The following CSMD1 variants were observed in gnomAD, a reference collection of about 807,000 sequenced individuals.
CSMD1 encodes the protein CUB and sushi domain-containing protein 1.
In CSMD1, 213 loss-of-function variants were observed where a neutral mutation model predicts 417.5. The observed-to-expected ratio is 0.51, with a 90% confidence interval of 0.46 to 0.57. The LOEUF (loss-of-function observed/expected upper bound fraction) is 0.57. Ranked by LOEUF, CSMD1 falls within the 20% of genes least tolerant of loss-of-function variation. The pLI, the probability that CSMD1 is intolerant of heterozygous loss-of-function variation, is 0.00. For synonymous variants in CSMD1, 2,862 were observed against 1,736.8 expected (o/e 1.65, Z -16.11); for missense variants, 6,923 against 4,529.7 (o/e 1.53, Z -15.17).
At chr8:3,398,606 G>C (rs1811842898) in intron 16 of CSMD1, among the ~76,000 whole-genome samples, 5 of 152,148 alleles carry the variant, frequency 3.3e-5, no homozygotes, top group African/African-American at 9.7e-5. Flanking sequence ...ATGTAGTCTA[G>C]TCAAGAAGAA....
chr8:3,291,850 ATTTCTTGCC>A (rs1563233120), intron 25 of CSMD1, among the ~76,000 whole-genome samples: 27 of 151,672 alleles, frequency 1.8e-4, no homozygotes, highest in Admixed American at 1.5e-3. Context: ...GATCTTAGTT[ATTTCTTGCC>A]TTCTGCTAGC....
intron 5 of CSMD1, among the ~76,000 whole-genome samples, chr8:3,782,565 C>G (rs1014498344): frequency 6.6e-6 from 1 of 152,116 alleles, no homozygotes; most frequent in Non-Finnish European, 1.5e-5. Context: ...TTGATGGGCG[C>G]AGCAAACCAA....
intron 53 of CSMD1, 66 bp from the exon 54 acceptor site, chr8:2,998,250 T>G: frequency 6.5e-7 from 1 of 1,527,476 alleles, no homozygotes; most frequent in Non-Finnish European, 9.0e-7. Context: ...CTTGGGATTA[T>G]TAATAAGAAA....
chr8:4,696,627 T>A (rs1807150900), intron 1 of CSMD1, among the ~76,000 whole-genome samples: 1 of 152,166 alleles, frequency 6.6e-6, no homozygotes, highest in African/African-American at 2.4e-5. Flanking sequence ...AACAACGTAT[T>A]TCATACTTTT....
chr8:3,236,571 T>C (rs569026852), intron 26 of CSMD1, among the ~76,000 whole-genome samples: 16 of 152,280 alleles, frequency 1.1e-4, no homozygotes, highest in African/African-American at 3.8e-4. Flanking sequence ...AGAAAGCTTA[T>C]TCTAGACTAA....
intron 5 of CSMD1, among the ~76,000 whole-genome samples, chr8:3,988,378 T>C (rs1178740058): frequency 6.6e-6 from 1 of 152,214 alleles, no homozygotes; most frequent in African/African-American, 2.4e-5. Flanking sequence ...GAGGAAAACC[T>C]GAAATTATTA....
intron 1 of CSMD1, among the ~76,000 whole-genome samples, chr8:4,819,799 G>A (rs1799416168): frequency 6.6e-6 from 1 of 152,008 alleles, no homozygotes; most frequent in Non-Finnish European, 1.5e-5. Flanking sequence ...CTAAGGGTGG[G>A]GCTGTTTGGG....
chr8:2,942,355 A>T, intron 69 of CSMD1, 117 bp downstream of exon 69: 1 of 911,536 alleles, frequency 1.1e-6, no homozygotes, highest in Non-Finnish European at 1.6e-6. Context: ...AAAAAAAAAA[A>T]GAACATTGCA....
At chr8:3,467,512 A>T in intron 12 of CSMD1, among the ~76,000 whole-genome samples, 1 of 152,354 alleles carries the variant, frequency 6.6e-6, no homozygotes, top group Middle Eastern at 3.4e-3. Context: ...TTCTAGTTTT[A>T]GTCATTGAAA....
chr8:4,399,243 G>C (rs919081564), intron 3 of CSMD1, among the ~76,000 whole-genome samples: 1 of 152,128 alleles, frequency 6.6e-6, no homozygotes, highest in Non-Finnish European at 1.5e-5. Context: ...TTCCCCTTGT[G>C]TGTAATTCCT....
intron 6 of CSMD1, among the ~76,000 whole-genome samples, chr8:3,738,377 T>C (rs915151425): frequency 3.9e-5 from 6 of 152,364 alleles, no homozygotes; most frequent in South Asian, 2.1e-4. Context: ...ATAACTACAA[T>C]TGTACATTCT....
chr8:4,423,038 A>G (rs1437979833), intron 2 of CSMD1, among the ~76,000 whole-genome samples: 1 of 152,086 alleles, frequency 6.6e-6, no homozygotes, highest in Non-Finnish European at 1.5e-5. Flanking sequence ...CAACTTGACA[A>G]AGAATATCTC....
At chr8:3,132,080 G>C (rs1456618957) in intron 41 of CSMD1, among the ~76,000 whole-genome samples, 2 of 152,124 alleles carry the variant, frequency 1.3e-5, no homozygotes, top group African/African-American at 4.8e-5. Context: ...TTCACACGTG[G>C]CCTCCAGGTT....
Position 3,795,277 on chromosome 8 carries a change from A to AT in CSMD1, c.819-41236_819-41235insA, listed in dbSNP as rs1445787697. On this transcript the variant is annotated intron_variant, in intron 5 of 69. Transcript: ENST00000635120. ...ATATAGATATATATCTATCATGTAC[A>AT]GATATATATATCATGTACAGATATA... is the stretch of plus-strand genomic sequence containing the variant. Among the ~76,000 whole-genome samples, 3 of 57,300 alleles carry AT rather than the reference A, an allele frequency of 5.2e-5. 1 individual carries two copies. Among genetic ancestry groups the AT allele is most frequent in the Non-Finnish European group, 1.1e-4 (3 of 26,660 alleles). The allele number at this position is 57,300 out of a possible 152,430, so 37.6% of individuals were successfully genotyped here.
chr8:3,447,045 T>G (rs1815350462), intron 12 of CSMD1, among the ~76,000 whole-genome samples: 1 of 152,228 alleles, frequency 6.6e-6, no homozygotes. Flanking sequence ...CAGAAAATTC[T>G]TAATAAAATT....
intron 49 of CSMD1, among the ~76,000 whole-genome samples, chr8:3,084,244 C>T (rs1814353439): frequency 2.0e-5 from 3 of 152,140 alleles, no homozygotes; most frequent in Admixed American, 6.5e-5. Context: ...CATTCTAGAG[C>T]TGGGCAGGGT....
At chr8:4,373,987 A>C (rs767454952) in intron 3 of CSMD1, among the ~76,000 whole-genome samples, 5 of 152,218 alleles carry the variant, frequency 3.3e-5, no homozygotes, top group Non-Finnish European at 5.9e-5. Flanking sequence ...TTAACGGAAA[A>C]GCCAGTATGA....
At chr8:3,595,311 G>C (rs77333465) in intron 8 of CSMD1, among the ~76,000 whole-genome samples, 4,943 of 152,290 alleles carry the variant, frequency 0.032, 272 homozygotes, top group African/African-American at 0.11. Flanking sequence ...CATCATCGGA[G>C]AGATGAATGT....
intron 4 of CSMD1, among the ~76,000 whole-genome samples, chr8:4,014,293 G>C (rs190193449): frequency 1.5e-4 from 23 of 152,292 alleles, no homozygotes; most frequent in Admixed American, 5.2e-4. Flanking sequence ...ATGGCATTGC[G>C]TGTCGAAGTG....
Sources: allele counts gnomAD v4.1 joint callset (sites outside exome capture counted in the v4.1 genomes callset), GRCh38; gene constraint gnomAD v4.1.1; transcripts MANE v1.5; gene names NCBI Gene and HGNC (gene_info 2026-07-23, HGNC 2026-07-21).